Variants in ACSF2 observed in about 807,000 individuals in gnomAD.
The protein encoded by ACSF2 is acyl-CoA synthetase family member 2, also known as medium-chain acyl-CoA ligase ACSF2, mitochondrial.
Under a neutral mutation model 79.3 loss-of-function variants are expected in ACSF2, and 52 were observed. That is an observed-to-expected ratio of 0.66 (90% CI 0.53 to 0.83). ACSF2 has a LOEUF of 0.83. Among genes scored for constraint, ACSF2 ranks in the 40% least tolerant of loss-of-function variants. ACSF2 has a pLI of 0.00. For synonymous variants in ACSF2, 283 were observed against 312.6 expected (o/e 0.91, Z 1.00); for missense variants, 661 against 803.3 (o/e 0.82, Z 2.14).
chr17:50,468,069 G>T (rs2032853305), intron 10 of ACSF2: 2 of 1,605,928 alleles, frequency 1.2e-6, no homozygotes, highest in Non-Finnish European at 8.5e-7. Flanking sequence ...TCCAGCCAGA[G>T]GGTCTCCAGG....
At chr17:50,468,079 G>T (rs776363437) in intron 10 of ACSF2, 20 of 1,610,592 alleles carry the variant, frequency 1.2e-5, no homozygotes, top group Non-Finnish European at 1.5e-5. Flanking sequence ...GGGTCTCCAG[G>T]TATCTGCCAA....
chr17:50,460,666 T>C lies in ACSF2; in HGVS notation c.129-11T>C. ...CTGGGACAGTCAAACCCATAGCTCCTCTCCCTACAGTTCCAGAGAGGTGGA... is the reference window on the plus strand; with the variant it reads ...CTGGGACAGTCAAACCCATAGCTCCCCTCCCTACAGTTCCAGAGAGGTGGA... On this transcript the variant is annotated splice_polypyrimidine_tract_variant and intron_variant, in intron 1 of 15. Coordinates refer to ENST00000300441, the MANE Select transcript of ACSF2 (RefSeq NM_025149.6). 1 of 1,606,160 alleles carries C rather than the reference T, an allele frequency of 6.2e-7. No homozygotes were observed. The highest frequency in any genetic ancestry group is 1.1e-5 in the South Asian group (1 of 89,780).
Position 50,463,603 on chromosome 17 carries a change from C to G in ACSF2, c.1046+51C>G. On this transcript the variant is annotated intron_variant, in intron 8 of 15. Coordinates refer to ENST00000300441, the MANE Select transcript of ACSF2 (RefSeq NM_025149.6). This position sits in a 1 kb window ranked among gnomAD's most constrained non-coding sequence, Gnocchi z 4.6. ...GTGGGCTGATAAAACCCTCTTCTTCCTCACTCCTGGGCCCTGACACCTTTC... is the reference window on the plus strand; with the variant it reads ...GTGGGCTGATAAAACCCTCTTCTTCGTCACTCCTGGGCCCTGACACCTTTC... The G allele has an allele frequency of 6.3e-7, 1 of 1,595,732 alleles. No homozygotes were observed. Among genetic ancestry groups the G allele is most frequent in the Non-Finnish European group, 8.5e-7 (1 of 1,169,690 alleles).
intron 1 of ACSF2, among the ~76,000 whole-genome samples, chr17:50,434,205 G>C (rs1782224988): frequency 6.6e-6 from 1 of 151,952 alleles, no homozygotes; most frequent in Non-Finnish European, 1.5e-5. Flanking sequence ...TGTGGTTCCA[G>C]CTTCCTGGGG....
chr17:50,460,068 G>A (rs1301759500), intron 1 of ACSF2: 2 of 356,402 alleles, frequency 5.6e-6, no homozygotes, highest in South Asian at 2.1e-5. Context: ...TCATCTGCAG[G>A]TGCCCAGGAT....
At chr17:50,468,448 C>T in intron 10 of ACSF2, 1 of 1,614,050 alleles carries the variant, frequency 6.2e-7, no homozygotes, top group Non-Finnish European at 8.5e-7. Context: ...TCAGCTCGGT[C>T]AGGTCGTCGA....
chr17:50,427,967 G>T (rs890290046), intron 1 of ACSF2, among the ~76,000 whole-genome samples: 1 of 152,146 alleles, frequency 6.6e-6, no homozygotes, highest in African/African-American at 2.4e-5. Flanking sequence ...CCTTGTGCCT[G>T]CACCCTTATT....
chr17:50,427,554 C>G (rs954087426), intron 1 of ACSF2, among the ~76,000 whole-genome samples: 1 of 152,036 alleles, frequency 6.6e-6, no homozygotes, highest in African/African-American at 2.4e-5. Flanking sequence ...TCGGCCCTCC[C>G]CTGACCCCCT....
intron 10 of ACSF2, chr17:50,468,316 G>A (rs1284804986): frequency 6.2e-7 from 1 of 1,614,012 alleles, no homozygotes; most frequent in East Asian, 2.2e-5. Flanking sequence ...CTCCCTGGAA[G>A]GCGCCTGCGC....
intron 1 of ACSF2, among the ~76,000 whole-genome samples, chr17:50,431,896 T>C (rs2029960005): frequency 6.6e-6 from 1 of 151,708 alleles, no homozygotes; most frequent in Non-Finnish European, 1.5e-5. Context: ...TAAACTTGAC[T>C]TTTTTTTTCT....
At chr17:50,469,175 T>C (rs2143786659) in intron 10 of ACSF2, 1 of 318,698 alleles carries the variant, frequency 3.1e-6, no homozygotes, top group Non-Finnish European at 4.5e-6. Context: ...GAAGGGGGAA[T>C]AGTTATGTCT....
chr17:50,426,513 T>TCCCCCGC, intron 1 of ACSF2, 124 bp downstream of exon 1: 1 of 1,128,504 alleles, frequency 8.9e-7, no homozygotes, highest in Non-Finnish European at 1.1e-6. Context: ...TACCCGCCCC[T>TCCCCCGC]CCCCCGCCCC....
chr17:50,466,038 T>G, intron 10 of ACSF2, among the ~76,000 whole-genome samples: 1 of 151,530 alleles, frequency 6.6e-6, no homozygotes. Context: ...TAATCCAATC[T>G]ACACAACCCC....
At chr17:50,453,347 C>T (rs2031791629) in intron 1 of ACSF2, among the ~76,000 whole-genome samples, 1 of 152,102 alleles carries the variant, frequency 6.6e-6, no homozygotes, top group Non-Finnish European at 1.5e-5. Context: ...GCTGGGATTA[C>T]AGGCACACAC....
Position 50,473,893 on chromosome 17 carries a change from G to T in ACSF2, c.1618-1G>T, listed in dbSNP as rs2033228962. ...CTGATATTTTTCTTTGGCCCTGGAA[G>T]GTGGTGGGAGTGAAGGACGATCGGA... is the stretch of plus-strand genomic sequence containing the variant. On this transcript the variant is annotated splice_acceptor_variant, in intron 13 of 15. Coordinates refer to ENST00000300441, the MANE Select transcript of ACSF2 (RefSeq NM_025149.6). LOFTEE classifies it high-confidence loss of function. 6.3e-7 allele frequency: 1 copy of T among 1,599,080 alleles called. No individual in the cohort carries two copies.
intron 1 of ACSF2, among the ~76,000 whole-genome samples, chr17:50,434,671 G>A (rs536169544): frequency 5.9e-5 from 9 of 152,086 alleles, no homozygotes; most frequent in African/African-American, 2.2e-4. Flanking sequence ...GGGCAAAAGA[G>A]CAAAACTCCG....
intron 1 of ACSF2, among the ~76,000 whole-genome samples, chr17:50,435,777 G>A (rs527681816): frequency 6.6e-6 from 1 of 151,588 alleles, no homozygotes; most frequent in African/African-American, 2.4e-5. Flanking sequence ...AGTTTATAAA[G>A]TCTAGTTTAG....
chr17:50,460,427 C>T (rs2032259805), intron 1 of ACSF2: 19 of 530,458 alleles, frequency 3.6e-5, no homozygotes, highest in South Asian at 1.8e-4. Context: ...TCACCTTTCC[C>T]GGGAAGGCGA....
chr17:50,441,647 G>T (rs1022129681), intron 1 of ACSF2, among the ~76,000 whole-genome samples: 5 of 152,136 alleles, frequency 3.3e-5, no homozygotes, highest in African/African-American at 1.2e-4. Flanking sequence ...TGTAAAATGG[G>T]TATGTATCTT....
Sources: gnomAD v4.1 joint callset for allele counts (sites outside exome capture counted in the v4.1 genomes callset) on GRCh38, gnomAD v4.1.1 for gene constraint, Gnocchi (gnomAD v3.1) non-coding constraint, MANE v1.5 for transcripts, NCBI Gene and HGNC (gene_info 2026-07-23, HGNC 2026-07-21) for gene names.